Variants in C2CD3 observed in about 807,000 individuals in gnomAD.
C2CD3 encodes the protein C2 domain containing 3 centriole elongation regulator.
Under a neutral mutation model 234.0 loss-of-function variants are expected in C2CD3, and 148 were observed. The ratio of observed to expected loss-of-function variants is 0.63; its 90% CI spans 0.55 to 0.72. The LOEUF is 0.72. C2CD3 is among the 30% of genes least tolerant of loss of function. C2CD3 has a pLI of 0.00. For synonymous variants in C2CD3, 1,000 were observed against 1,035.4 expected (o/e 0.97, Z 0.66); for missense variants, 2,577 against 2,811.5 (o/e 0.92, Z 1.89).
chr11:74,013,754 C>T (rs774326932), intron 32 of C2CD3, among the ~76,000 whole-genome samples: 4 of 152,194 alleles, frequency 2.6e-5, no homozygotes, highest in Non-Finnish European at 5.9e-5. Flanking sequence ...GTGGAATAAA[C>T]TCAAGGTCCC....
chr11:74,150,739 G>A (rs1855588664), intron 3 of C2CD3, among the ~76,000 whole-genome samples: 1 of 150,886 alleles, frequency 6.6e-6, no homozygotes, highest in South Asian at 2.1e-4. Context: ...ATAATATGAG[G>A]ACTCATTAAA....
chr11:74,028,528 CT>C, intron 31 of C2CD3, 130 bp from the exon 32 acceptor site: 1 of 643,684 alleles, frequency 1.6e-6, no homozygotes, highest in East Asian at 2.8e-5. Flanking sequence ...TCCATAAATT[CT>C]TTGCTCAGCT....
intron 3 of C2CD3, among the ~76,000 whole-genome samples, chr11:74,153,259 G>T (rs1156585892): frequency 2.1e-5 from 3 of 140,822 alleles, no homozygotes; most frequent in African/African-American, 7.9e-5. Context: ...ACAAACAAAA[G>T]CAAGTGAAAG....
In C2CD3 at chr11:74,139,640, C is replaced by T. The variant is rs140308460; in HGVS notation, c.672G>A (p.Glu224=). 13 of 1,613,842 alleles carry T rather than the reference C, an allele frequency of 8.1e-6. No homozygotes were observed. In the African/African-American group the frequency reaches 1.5e-4, roughly 18 times the overall value. Residue 224 remains glutamate (E), a synonymous_variant, in exon 4 of 33, where the codon GAG becomes GAA. Coordinates refer to ENST00000334126, the MANE Select transcript of C2CD3 (RefSeq NM_001286577.2). The part of the protein sequence containing the change: ...DIHTIKIDGK[E]LAANSSRSTT... ...TTGATCTACTGCTGTTGGCTGCTAA[C>T]TCTTTTCCATCAATTTTGATGGTAT...
intron 20 of C2CD3, among the ~76,000 whole-genome samples, chr11:74,088,724 G>A (rs1416680846): frequency 1.3e-5 from 2 of 152,236 alleles, no homozygotes; most frequent in Admixed American, 1.3e-4. Flanking sequence ...GGCTGGATCT[G>A]AGACTGAGGA....
At chr11:74,065,681 A>C (rs1954488004) in intron 24 of C2CD3, among the ~76,000 whole-genome samples, 1 of 152,160 alleles carries the variant, frequency 6.6e-6, no homozygotes, top group Non-Finnish European at 1.5e-5. Flanking sequence ...CATCAATGAT[A>C]GACTGGATTA....
intron 22 of C2CD3, among the ~76,000 whole-genome samples, chr11:74,082,644 C>A (rs960458372): frequency 6.6e-6 from 1 of 152,116 alleles, no homozygotes; most frequent in African/African-American, 2.4e-5. Flanking sequence ...CCAACTTGAT[C>A]GTGGTGGATA....
chr11:74,094,889 C>T (rs192202597), intron 17 of C2CD3, among the ~76,000 whole-genome samples: 9 of 151,918 alleles, frequency 5.9e-5, no homozygotes, highest in African/African-American at 1.4e-4. Flanking sequence ...AGAACTACTG[C>T]GAGGAATAAG....
At chr11:74,032,661 C>T (rs1952570208) in intron 31 of C2CD3, among the ~76,000 whole-genome samples, 1 of 151,880 alleles carries the variant, frequency 6.6e-6, no homozygotes, top group Non-Finnish European at 1.5e-5. Context: ...TGCTTGAGGC[C>T]AGGAGTTTGA....
chr11:74,028,873 G>A (rs987393726), intron 31 of C2CD3, among the ~76,000 whole-genome samples: 1 of 152,216 alleles, frequency 6.6e-6, no homozygotes, highest in African/African-American at 2.4e-5. Flanking sequence ...AGACCTATTA[G>A]AAGTCAGTCA....
chr11:74,034,391 C>A, intron 30 of C2CD3, 113 bp from the exon 31 acceptor site: 1 of 1,491,776 alleles, frequency 6.7e-7, no homozygotes, highest in Non-Finnish European at 8.9e-7. Flanking sequence ...CTGAACAAAC[C>A]ATAAAGAAAA....
chr11:74,116,857 T>TATATATAC (rs1273850696), intron 9 of C2CD3, among the ~76,000 whole-genome samples: 1 of 139,858 alleles, frequency 7.2e-6, no homozygotes, highest in African/African-American at 2.6e-5. Flanking sequence ...TGTATATGTG[T>TATATATAC]ATATACACGT....
At chr11:74,026,382 C>G (rs1198267747) in intron 32 of C2CD3, among the ~76,000 whole-genome samples, 2 of 151,822 alleles carry the variant, frequency 1.3e-5, no homozygotes, top group African/African-American at 4.8e-5. Context: ...AATGAGACAT[C>G]TTGAAATGGT....
chr11:74,109,439 T>G (rs1376730803), intron 11 of C2CD3: 2 of 283,932 alleles, frequency 7.0e-6, no homozygotes, highest in African/African-American at 2.2e-5. Flanking sequence ...AGGAGACATA[T>G]CTATATACTT....
In C2CD3 at chr11:74,129,609, G is replaced by A. The variant is rs529427810; in HGVS notation, c.1217+3235C>T. 772 of 172,402 alleles carry A rather than the reference G, an allele frequency of 4.5e-3. 38 individuals carry two copies. Among genetic ancestry groups the A allele is most frequent in the Non-Finnish European group, 1.8e-3 (152 of 85,996 alleles). The allele number at this position is 172,402 out of a possible 1,614,324, so 10.7% of individuals were successfully genotyped here. On this transcript the variant is annotated intron_variant, in intron 7 of 32. Coordinates refer to ENST00000334126, the MANE Select transcript of C2CD3 (RefSeq NM_001286577.2). ...TTCCAGACTGGGCAGCCAGGCAGAG[G>A]GGATCCTCACATCCCAGACGATGGG...
intron 3 of C2CD3, among the ~76,000 whole-genome samples, chr11:74,158,647 G>A (rs953239528): frequency 2.6e-5 from 4 of 151,884 alleles, no homozygotes; most frequent in African/African-American, 9.7e-5. Context: ...ACTTGAACCC[G>A]GGAGGCGGAG....
At position 74,034,096 on chromosome 11, in the gene C2CD3, G is replaced by A. The variant is rs998346040; in HGVS notation, c.6064C>T (p.Pro2022Ser). ...PDKGTDSPSP[P>S]PLEETSNGGR... ...CCATTTGAAGTCTCTTCGAGAGGAG[G>A]GGGTGATGGGGAATCTGTGCCTTTA... Residue 2022 changes from proline (P) to serine (S), a missense_variant, in exon 31 of 33, where the codon CCT becomes TCT. Coordinates refer to ENST00000334126, the MANE Select transcript of C2CD3 (RefSeq NM_001286577.2). 3.3e-6 allele frequency: 5 copies of A among 1,536,034 alleles called. No individual in the cohort carries two copies. Among genetic ancestry groups the A allele is most frequent in the African/African-American group, 2.7e-5 (2 of 72,992 alleles).
Position 74,118,355 on chromosome 11 carries a change from G to A in C2CD3, c.1393C>T (p.Leu465Phe). ...GGGACGATATCATCCTCTTCACTGA[G>A]GAAATCACTGATGCTGGTATCAGAT... ...PKSDTSISDF[L>F]SEEDDIVPSK... The change falls in exon 9 of 33, where the codon CTC becomes TTC. Residue 465 changes from leucine to phenylalanine, a missense_variant. Physicochemically the swap from Leu to Phe is conservative, Grantham distance 22. Coordinates refer to ENST00000334126, the MANE Select transcript of C2CD3 (RefSeq NM_001286577.2). 1.2e-6 allele frequency: 2 copies of A among 1,612,792 alleles called. No individual in the cohort carries two copies. The highest frequency in any genetic ancestry group is 1.7e-6 in the Non-Finnish European group (2 of 1,178,942).
chr11:74,103,250 C>A lies in C2CD3; in HGVS notation c.2461G>T (p.Glu821Ter), dbSNP rs1274046379. The A allele has an allele frequency of 1.2e-6, 2 of 1,614,170 alleles. No homozygotes were observed. Among genetic ancestry groups the A allele is most frequent in the Non-Finnish European group, 1.7e-6 (2 of 1,180,006 alleles). ...VPDGKDFISG[E>*]SEKQSPCNVY... ...TTGCATGGTGATTGTTTCTCAGATT[C>A]TCCACTAATAAAATCTTTCCCATCT... The change falls in exon 14 of 33, where the codon GAA (glutamate) becomes TAA (stop). Residue 821 changes from glutamate to a stop codon, truncating the protein, a stop_gained. Coordinates refer to ENST00000334126, the MANE Select transcript of C2CD3 (RefSeq NM_001286577.2). LOFTEE classifies it high-confidence loss of function.
Sources: gnomAD v4.1 joint callset for allele counts (sites outside exome capture counted in the v4.1 genomes callset) on GRCh38, gnomAD v4.1.1 for gene constraint, MANE v1.5 for transcripts, NCBI Gene and HGNC (gene_info 2026-07-23, HGNC 2026-07-21) for gene names.